DISC1: variants seen among roughly 807,000 people sequenced by gnomAD.
DISC1 encodes the protein disrupted in schizophrenia 1 protein.
Under a neutral mutation model 84.5 loss-of-function variants are expected in DISC1, and 57 were observed. The observed-to-expected ratio is 0.67, with a 90% CI of 0.55 to 0.84. The LOEUF (loss-of-function observed/expected upper bound fraction) is 0.84. Among genes scored for constraint, DISC1 ranks in the 40% least tolerant of loss-of-function variants. The pLI, the probability that DISC1 is intolerant of heterozygous loss-of-function variation, is 0.00. For missense variants in DISC1, 1,000 were observed against 1,057.8 expected, an observed-to-expected ratio of 0.95 and a Z score of 0.76; for synonymous variants, 411 against 415.2, an observed-to-expected ratio of 0.99 and a Z score of 0.12.
chr1:231,872,535 T>C (rs2085542685), intron 9 of DISC1, among the ~76,000 whole-genome samples: 1 of 152,190 alleles, frequency 6.6e-6, no homozygotes, highest in Non-Finnish European at 1.5e-5. Context: ...GATTGGAAAA[T>C]GCCTTTCTAG....
At chr1:231,918,588 G>T (rs1011300851) in intron 9 of DISC1, among the ~76,000 whole-genome samples, 3 of 152,194 alleles carry the variant, frequency 2.0e-5, no homozygotes, top group African/African-American at 7.2e-5. Context: ...CATTATTTTG[G>T]AATACAACAC....
chr1:231,761,071 A>G (rs1167390108), intron 4 of DISC1, among the ~76,000 whole-genome samples: 2 of 152,210 alleles, frequency 1.3e-5, no homozygotes, highest in African/African-American at 4.8e-5. Context: ...TATTTTATGA[A>G]TGGATTTTAT....
intron 9 of DISC1, among the ~76,000 whole-genome samples, chr1:231,957,463 A>G (rs1659718320): frequency 6.6e-6 from 1 of 152,150 alleles, no homozygotes; most frequent in South Asian, 2.1e-4. Flanking sequence ...TTGCTGCCAG[A>G]ATGGAAGCAC....
At chr1:231,790,173 C>G (rs2078221833) in intron 6 of DISC1, among the ~76,000 whole-genome samples, 1 of 152,058 alleles carries the variant, frequency 6.6e-6, no homozygotes, top group Admixed American at 6.6e-5. Context: ...TCTGTTGGAC[C>G]TGCTGCTGCT....
intron 4 of DISC1, chr1:231,750,305 C>T: frequency 1.5e-6 from 2 of 1,348,284 alleles, no homozygotes; most frequent in South Asian, 2.0e-5. Context: ...AGAGAGAGAA[C>T]CTTCTCAAGT....
chr1:231,759,238 G>A (rs1250508080), intron 4 of DISC1, among the ~76,000 whole-genome samples: 3 of 152,066 alleles, frequency 2.0e-5, no homozygotes, highest in African/African-American at 7.2e-5. Context: ...TTGTCATGTA[G>A]GGACTAACAC....
chr1:232,033,138 A>C (rs1217315495), intron 12 of DISC1, among the ~76,000 whole-genome samples: 1 of 152,168 alleles, frequency 6.6e-6, no homozygotes, highest in East Asian at 1.9e-4. Context: ...CTCTACCAAA[A>C]ACACCAAACG....
At chr1:231,943,741 T>G (rs925334178) in intron 9 of DISC1, 1 of 143,620 alleles carries the variant, frequency 7.0e-6, no homozygotes, top group East Asian at 2.2e-4. Flanking sequence ...TTTTTTTTTT[T>G]GAGACAGGGT....
At chr1:231,754,700 C>CA (rs2125350663) in intron 4 of DISC1, among the ~76,000 whole-genome samples, 2 of 152,306 alleles carry the variant, frequency 1.3e-5, no homozygotes, top group South Asian at 4.1e-4. Flanking sequence ...AACTAAAAGC[C>CA]AGTGTCATGC....
chr1:231,966,677 C>G (rs1027962843), intron 10 of DISC1, among the ~76,000 whole-genome samples: 2 of 152,232 alleles, frequency 1.3e-5, no homozygotes, highest in Admixed American at 1.3e-4. Context: ...TTCATTCTAA[C>G]TCTACTTTTT....
intron 1 of DISC1, among the ~76,000 whole-genome samples, chr1:231,691,774 T>A (rs2065043960): frequency 6.6e-6 from 1 of 152,204 alleles, no homozygotes; most frequent in Non-Finnish European, 1.5e-5. Flanking sequence ...CAAGGGGGTA[T>A]GAGTAGTGCG....
chr1:231,719,811 TGA>T (rs2125090260), intron 3 of DISC1, among the ~76,000 whole-genome samples: 1 of 152,330 alleles, frequency 6.6e-6, no homozygotes, highest in South Asian at 2.1e-4. Context: ...TGATGCCTGT[TGA>T]GAGTAGAGAG....
intron 1 of DISC1, among the ~76,000 whole-genome samples, chr1:231,677,208 T>C (rs1028411592): frequency 1.3e-5 from 2 of 152,230 alleles, no homozygotes; most frequent in Non-Finnish European, 2.9e-5. Context: ...TATTCGCCCA[T>C]ACCCATTTAT....
At chr1:231,728,754 A>G (rs189961847) in intron 3 of DISC1, among the ~76,000 whole-genome samples, 66 of 152,326 alleles carry the variant, frequency 4.3e-4, no homozygotes, top group East Asian at 7.7e-4. Context: ...ATGGCATCTG[A>G]GGAGTTTGAG....
At chr1:231,991,494 G>C (rs1023945790) in intron 10 of DISC1, among the ~76,000 whole-genome samples, 3 of 152,140 alleles carry the variant, frequency 2.0e-5, no homozygotes, top group Non-Finnish European at 4.4e-5. Flanking sequence ...AAGACTCAAT[G>C]GAGCTCTTGT....
intron 1 of DISC1, among the ~76,000 whole-genome samples, chr1:231,652,580 A>G (rs2060725159): frequency 6.6e-6 from 1 of 152,180 alleles, no homozygotes; most frequent in Non-Finnish European, 1.5e-5. Flanking sequence ...TGTATGGGAG[A>G]AGATGAAATG....
intron 9 of DISC1, among the ~76,000 whole-genome samples, chr1:231,879,649 G>A (rs1159439562): frequency 2.0e-5 from 3 of 151,656 alleles, no homozygotes; most frequent in Non-Finnish European, 2.9e-5. Context: ...GGAAATGGCT[G>A]ATGGGCTCAG....
intron 8 of DISC1, among the ~76,000 whole-genome samples, chr1:231,804,224 T>G (rs547465577): frequency 1.3e-5 from 2 of 152,186 alleles, no homozygotes; most frequent in African/African-American, 4.8e-5. Context: ...CTATAACAAG[T>G]CTCAATGAGA....
chr1:231,710,904 G>T (rs2067735546), intron 3 of DISC1, among the ~76,000 whole-genome samples: 1 of 152,146 alleles, frequency 6.6e-6, no homozygotes, highest in African/African-American at 2.4e-5. Context: ...AAAACAGGAA[G>T]CCTAAAGGGC....
Sources: allele counts gnomAD v4.1 joint callset (sites outside exome capture counted in the v4.1 genomes callset), GRCh38; gene constraint gnomAD v4.1.1; transcripts MANE v1.5; gene names NCBI Gene and HGNC (gene_info 2026-07-23, HGNC 2026-07-21).